Variants in VAV3 observed in about 807,000 individuals in gnomAD.
The protein encoded by VAV3 is guanine nucleotide exchange factor VAV3.
In VAV3, 94 loss-of-function variants were observed where a neutral mutation model predicts 131.2. That is an observed-to-expected ratio of 0.72 (90% CI 0.61 to 0.85). The LOEUF (loss-of-function observed/expected upper bound fraction) is 0.85, where lower values mean the gene tolerates loss of function less well. Ranked by LOEUF, VAV3 falls within the 40% of genes least tolerant of loss-of-function variation. VAV3 has a pLI of 0.00. For synonymous variants in VAV3, 349 were observed against 342.0 expected, an observed-to-expected ratio of 1.02 and a Z score of -0.22; for missense variants, 939 against 1,002.7, an observed-to-expected ratio of 0.94 and a Z score of 0.86.
At chr1:107,952,483 T>C (rs747452661) in intron 1 of VAV3, among the ~76,000 whole-genome samples, 1 of 136,786 alleles carries the variant, frequency 7.3e-6, no homozygotes, top group African/African-American at 3.0e-5. Context: ...TATATATATA[T>C]ATACACACAT....
chr1:107,629,943 A>G (rs1284798147), intron 20 of VAV3, among the ~76,000 whole-genome samples: 3 of 152,202 alleles, frequency 2.0e-5, no homozygotes, highest in African/African-American at 7.2e-5. Flanking sequence ...GAGTGAAGTC[A>G]TCAACTTGCA....
rs1664167267 is a variant in VAV3, at chr1:107,757,321, G to T, written c.1026C>A (p.Val342=). Residue 342 remains valine, a synonymous_variant, in exon 11 of 27, where the codon GTC becomes GTA. Coordinates refer to ENST00000370056, the MANE Select transcript of VAV3 (RefSeq NM_006113.5). ...TCTCAGTCGGATCAGTGGTATGTTT[G>T]ACCAGTTCCTATTTGGAAGATATGG... is the stretch of plus-strand genomic sequence containing the variant. ...LKYHLLLQEL[V]KHTTDPTEKA... 1.2e-6 allele frequency: 2 copies of T among 1,612,128 alleles called. No homozygotes were observed. The highest frequency in any genetic ancestry group is 2.2e-5 in the South Asian group (2 of 90,742).
chr1:107,782,803 T>C (rs1242020317), intron 2 of VAV3, among the ~76,000 whole-genome samples: 1 of 152,230 alleles, frequency 6.6e-6, no homozygotes, highest in Non-Finnish European at 1.5e-5. Flanking sequence ...TTAAATCCTC[T>C]TTGTGGGGAT....
intron 2 of VAV3, among the ~76,000 whole-genome samples, chr1:107,827,633 G>A (rs543759418): frequency 1.1e-3 from 175 of 152,228 alleles, no homozygotes; most frequent in African/African-American, 3.9e-3. Context: ...TTCCAATAAT[G>A]TTCCAGAAAG....
At chr1:107,595,604 G>A (rs934102858) in intron 25 of VAV3, among the ~76,000 whole-genome samples, 4 of 152,018 alleles carry the variant, frequency 2.6e-5, no homozygotes, top group African/African-American at 4.8e-5. Flanking sequence ...AACATTAAAC[G>A]ATGAGAGAAA....
At chr1:107,865,771 T>G (rs542578295) in intron 2 of VAV3, among the ~76,000 whole-genome samples, 14 of 152,180 alleles carry the variant, frequency 9.2e-5, no homozygotes, top group East Asian at 5.8e-4. Flanking sequence ...AGGTGAAGGT[T>G]TGGCAATTAT....
chr1:107,939,065 A>G (rs1673858411), intron 1 of VAV3, among the ~76,000 whole-genome samples: 1 of 152,214 alleles, frequency 6.6e-6, no homozygotes, highest in South Asian at 2.1e-4. Flanking sequence ...TGGCAGCCCC[A>G]GAATCGCTGT....
chr1:107,597,241 A>C (rs1415499508), intron 24 of VAV3, among the ~76,000 whole-genome samples: 1 of 148,750 alleles, frequency 6.7e-6, no homozygotes, highest in Non-Finnish European at 1.5e-5. Flanking sequence ...AAAAAAAAAC[A>C]GAAAAAAAAA....
chr1:107,748,118 A>T (rs1358274083), intron 15 of VAV3, among the ~76,000 whole-genome samples: 2 of 152,234 alleles, frequency 1.3e-5, no homozygotes, highest in African/African-American at 2.4e-5. Flanking sequence ...AGTTTACATT[A>T]ACATGAGCAT....
chr1:107,936,633 C>T (rs570871936), intron 1 of VAV3, among the ~76,000 whole-genome samples: 1 of 152,236 alleles, frequency 6.6e-6, no homozygotes, highest in African/African-American at 2.4e-5. Context: ...TCACAGCTCC[C>T]CTCCTGGAGT....
chr1:107,800,408 T>C (rs898988342), intron 2 of VAV3, among the ~76,000 whole-genome samples: 16 of 152,096 alleles, frequency 1.1e-4, no homozygotes, highest in African/African-American at 3.4e-4. Flanking sequence ...GAGATGATGG[T>C]TCATTGTGGT....
At chr1:107,638,043 A>G (rs148446558) in intron 20 of VAV3, among the ~76,000 whole-genome samples, 24 of 152,354 alleles carry the variant, frequency 1.6e-4, no homozygotes, top group African/African-American at 5.8e-4. Context: ...CAAACTAGGA[A>G]TAGAAGGCAA....
chr1:107,638,521 A>G (rs1455663616), intron 20 of VAV3, among the ~76,000 whole-genome samples: 1 of 152,210 alleles, frequency 6.6e-6, no homozygotes, highest in Non-Finnish European at 1.5e-5. Context: ...AACACTTCTG[A>G]GAATTAAAGA....
intron 1 of VAV3, among the ~76,000 whole-genome samples, chr1:107,923,029 C>T (rs1672986021): frequency 6.6e-6 from 1 of 152,012 alleles, no homozygotes. Context: ...GAAACCACCA[C>T]CACAATCAAG....
At chr1:107,850,243 A>G (rs1669157129) in intron 2 of VAV3, among the ~76,000 whole-genome samples, 1 of 152,184 alleles carries the variant, frequency 6.6e-6, no homozygotes, top group Non-Finnish European at 1.5e-5. Flanking sequence ...AGGATTATAA[A>G]TCATTCTACT....
At chr1:107,795,206 A>C (rs1348093513) in intron 2 of VAV3, among the ~76,000 whole-genome samples, 4 of 152,336 alleles carry the variant, frequency 2.6e-5, no homozygotes, top group African/African-American at 9.6e-5. Context: ...GCCAGTCTCC[A>C]GGAATGGAAC....
At chr1:107,764,424 C>T (rs1664621084) in intron 9 of VAV3, among the ~76,000 whole-genome samples, 1 of 152,206 alleles carries the variant, frequency 6.6e-6, no homozygotes, top group South Asian at 2.1e-4. Flanking sequence ...TTATTTAATC[C>T]TACCATATTT....
chr1:107,915,431 G>A (rs985089994), intron 1 of VAV3, among the ~76,000 whole-genome samples: 7 of 152,130 alleles, frequency 4.6e-5, no homozygotes, highest in African/African-American at 1.7e-4. Flanking sequence ...GTGATTTACT[G>A]GCTGGAAGTA....
rs530790922 is a variant in VAV3 at position 107,790,820 on chromosome 1, T to C, written c.322-11328A>G. Among the ~76,000 whole-genome samples the C allele has an allele frequency of 3.1e-3, 471 of 150,938 alleles. 2 individuals are homozygous for C. The highest frequency in any genetic ancestry group is 0.011 in the African/African-American group (437 of 41,118). On this transcript the variant is annotated intron_variant, in intron 2 of 26. Coordinates refer to ENST00000370056, the MANE Select transcript of VAV3 (RefSeq NM_006113.5). ...CTCCTGCCTCAGCCTCCTGAGTAACTTGGATTACAGGCACCTGCCACCACG... is the reference window on the plus strand; with the variant it reads ...CTCCTGCCTCAGCCTCCTGAGTAACCTGGATTACAGGCACCTGCCACCACG...
Sources: allele counts gnomAD v4.1 joint callset (sites outside exome capture counted in the v4.1 genomes callset), GRCh38; gene constraint gnomAD v4.1.1; transcripts MANE v1.5; gene names NCBI Gene and HGNC (gene_info 2026-07-23, HGNC 2026-07-21).